Variants in DNMBP observed in about 807,000 individuals in gnomAD.
DNMBP encodes dynamin-binding protein.
A neutral mutation model predicts 150.0 loss-of-function variants in DNMBP; 87 were observed. That is an observed-to-expected ratio of 0.58 (90% CI 0.49 to 0.69). The LOEUF (loss-of-function observed/expected upper bound fraction) is 0.69, where lower values mean the gene tolerates loss of function less well. DNMBP is among the 30% of genes least tolerant of loss of function. DNMBP has a pLI of 0.00. For missense variants in DNMBP, 1,774 were observed against 1,949.0 expected, an observed-to-expected ratio of 0.91 and a Z score of 1.69; for synonymous variants, 711 against 750.4, an observed-to-expected ratio of 0.95 and a Z score of 0.86.
intron 6 of DNMBP, among the ~76,000 whole-genome samples, chr10:99,907,018 AT>A (rs764400202): frequency 2.0e-5 from 3 of 152,202 alleles, no homozygotes; most frequent in Admixed American, 1.3e-4. Context: ...TGAAATGAAA[AT>A]AAAAGTTTCA....
At position 99,956,733 on chromosome 10, in the gene DNMBP, A is replaced by G; in HGVS notation, c.741T>C (p.Tyr247=). The G allele has an allele frequency of 3.1e-6, 5 of 1,614,104 alleles. No individual in the cohort carries two copies. Among genetic ancestry groups the G allele is most frequent in the Non-Finnish European group, 3.4e-6 (4 of 1,180,018 alleles). The change falls in exon 4 of 17, where the codon TAT becomes TAC. Residue 247 remains tyrosine (Y), a synonymous_variant. Coordinates refer to ENST00000324109, the MANE Select transcript of DNMBP (RefSeq NM_015221.4). Reference sequence around the variant, plus strand: ...CTTGGAATCTGTACAGGGCGACCCCATAGGTCCCTGGCTCCTCCTCATCCT... The same window carrying G: ...CTTGGAATCTGTACAGGGCGACCCCGTAGGTCCCTGGCTCCTCCTCATCCT... ...PDEDEEEPGT[Y]GVALYRFQAL... is the part of the protein sequence containing the mutation.
intron 1 of DNMBP, among the ~76,000 whole-genome samples, chr10:99,980,969 T>C (rs965398518): frequency 2.0e-5 from 3 of 152,128 alleles, no homozygotes; most frequent in Non-Finnish European, 2.9e-5. Context: ...ATGTAATGGG[T>C]ACAGCATTTC....
Position 99,895,056 on chromosome 10 carries a change from C to A in DNMBP, c.3052-6G>T, listed in dbSNP as rs1432674332. 4 of 1,538,110 alleles carry A rather than the reference C, an allele frequency of 2.6e-6. No individual in the cohort carries two copies. Among genetic ancestry groups the A allele is most frequent in the Non-Finnish European group, 3.6e-6 (4 of 1,123,550 alleles). On this transcript the variant is annotated splice_region_variant and splice_polypyrimidine_tract_variant and intron_variant, in intron 10 of 16. Coordinates refer to ENST00000324109, the MANE Select transcript of DNMBP (RefSeq NM_015221.4). The stretch of plus-strand genomic sequence containing the variant: ...TCAAATACTTCATCTTTTATCTGTT[C>A]AAAAATAAACAAGTGCTGTTAGCAA...
chr10:99,909,917 ATTAC>A (rs2039879629), intron 4 of DNMBP, among the ~76,000 whole-genome samples: 2 of 152,230 alleles, frequency 1.3e-5, no homozygotes, highest in African/African-American at 2.4e-5. Flanking sequence ...TTATCTGACT[ATTAC>A]TTAGATACAC....
intron 4 of DNMBP, among the ~76,000 whole-genome samples, chr10:99,947,379 C>A (rs936604094): frequency 7.9e-5 from 12 of 152,090 alleles, no homozygotes; most frequent in Admixed American, 1.3e-4. Flanking sequence ...AGTATGTAGC[C>A]ACAAAATAGA....
intron 1 of DNMBP, among the ~76,000 whole-genome samples, chr10:100,001,233 TAAAAAAAAAAAAAA>T (rs71009800): frequency 2.5e-3 from 55 of 21,718 alleles, no homozygotes; most frequent in African/African-American, 3.8e-3. Flanking sequence ...TCCGTCTCAT[TAAAAAAAAAAAAAA>T]AAAAAAAAAA....
chr10:99,970,854 C>T (rs1198121379), intron 2 of DNMBP, among the ~76,000 whole-genome samples: 1 of 151,084 alleles, frequency 6.6e-6, no homozygotes. Context: ...TGCCTGTAGT[C>T]CCAGCTACTC....
rs150826633 is a variant in DNMBP at position 99,879,574 on chromosome 10, C to T, written c.4548+237G>A. On this transcript the variant is annotated intron_variant, in intron 16 of 16. Coordinates refer to ENST00000324109, the MANE Select transcript of DNMBP (RefSeq NM_015221.4). Reference sequence around the variant, plus strand: ...AATAATGAAGTTGTCATTATAGCACCTTTTAAACACCCAGTGACACAGAGG... The same window carrying T: ...AATAATGAAGTTGTCATTATAGCACTTTTTAAACACCCAGTGACACAGAGG... Among the ~76,000 whole-genome samples, 30 of 152,276 alleles carry T rather than the reference C, an allele frequency of 2.0e-4. 1 individual carries two copies. The East Asian group carries it at 5.8e-3, about 29-fold the overall frequency.
intron 1 of DNMBP, among the ~76,000 whole-genome samples, chr10:100,001,101 C>T (rs1298767243): frequency 2.0e-5 from 3 of 150,102 alleles, no homozygotes; most frequent in East Asian, 2.0e-4. Flanking sequence ...TGTGGTGGTG[C>T]GTGCCTGTAA....
intron 1 of DNMBP, among the ~76,000 whole-genome samples, chr10:99,976,280 G>C (rs573856522): frequency 1.2e-4 from 19 of 152,208 alleles, no homozygotes; most frequent in South Asian, 2.1e-4. Context: ...TCAAAACCTG[G>C]TTAACTTTGA....
At position 99,883,638 on chromosome 10, in the gene DNMBP, CAAAAAAAAAA is replaced by C. The variant is rs71009782; in HGVS notation, c.3997+363_3997+372del. 6.6e-3 allele frequency among the ~76,000 whole-genome samples: 434 copies of C among 65,628 alleles called. 1 individual carries two copies. Among genetic ancestry groups the C allele is most frequent in the South Asian group, 0.016 (22 of 1,368 alleles). The allele number at this position is 65,628 out of a possible 152,430, so 43.1% of individuals were successfully genotyped here. A position where few individuals can be genotyped will look rare whatever the true frequency, so the allele number is the denominator to read the frequency against. ...CCTGGATAACAGAGCAAGACTGCCACAAAAAAAAAAAAAAAAAAAAAAAAAAAAAATTTGA... is the reference window on the plus strand; with the variant it reads ...CCTGGATAACAGAGCAAGACTGCCACAAAAAAAAAAAAAAAAAAAATTTGA... On this transcript the variant is annotated intron_variant, in intron 15 of 16. Transcript: ENST00000324109.
intron 1 of DNMBP, among the ~76,000 whole-genome samples, chr10:99,990,764 CACATATAT>C (rs935520272): frequency 8.5e-6 from 1 of 117,926 alleles, no homozygotes; most frequent in East Asian, 2.2e-4. Context: ...CACATATATA[CACATATAT>C]ACACATATAT....
chr10:99,969,749 TA>T (rs1240350915), intron 2 of DNMBP, among the ~76,000 whole-genome samples: 1 of 152,160 alleles, frequency 6.6e-6, no homozygotes, highest in East Asian at 1.9e-4. Context: ...AGTTGGAAAG[TA>T]TCAGAAAGTC....
intron 16 of DNMBP, 65 bp downstream of exon 16, chr10:99,879,746 C>T (rs1481794253): frequency 1.3e-6 from 2 of 1,585,110 alleles, no homozygotes; most frequent in African/African-American, 2.7e-5. Flanking sequence ...TGCCTCACCC[C>T]CGCTGGTACC....
chr10:99,934,567 A>C (rs1362167948), intron 4 of DNMBP, among the ~76,000 whole-genome samples: 1 of 135,122 alleles, frequency 7.4e-6, no homozygotes, highest in Admixed American at 7.9e-5. Context: ...GAGCAAATTT[A>C]TTTTTTATAT....
Position 99,876,873 on chromosome 10 carries a change from C to T in DNMBP, c.*278G>A. On this transcript the variant is annotated 3_prime_UTR_variant, in exon 17 of 17. Transcript: ENST00000324109. ...CTGGGCTTCTGACTGCAAGTTTCTC[C>T]TTTCCAAAAGCCAGCTCTAAGACTT... 3.0e-6 allele frequency: 1 copy of T among 328,778 alleles called. No individual in the cohort carries two copies. The highest frequency in any genetic ancestry group is 5.6e-5 in the East Asian group (1 of 17,958). 20.4% of individuals were successfully genotyped at this position (328,778 alleles called of 1,614,324 possible). A position where few individuals can be genotyped will look rare whatever the true frequency, so the allele number is the denominator to read the frequency against.
intron 15 of DNMBP, among the ~76,000 whole-genome samples, chr10:99,882,307 T>C (rs1375296302): frequency 6.6e-6 from 1 of 152,180 alleles, no homozygotes; most frequent in African/African-American, 2.4e-5. Context: ...ACAGTAAGGT[T>C]ACTATAGCTA....
chr10:99,935,087 CAAAAAAAAAAAAAA>C (rs71009790), intron 4 of DNMBP, among the ~76,000 whole-genome samples: 5 of 48,542 alleles, frequency 1.0e-4, no homozygotes, highest in East Asian at 1.7e-3. Context: ...CCTGTCTCCA[CAAAAAAAAAAAAAA>C]AAAAAAAAAA....
At chr10:100,000,540 G>A (rs2040997257) in intron 1 of DNMBP, among the ~76,000 whole-genome samples, 1 of 152,084 alleles carries the variant, frequency 6.6e-6, no homozygotes, top group Non-Finnish European at 1.5e-5. Context: ...CTGGGTGGAT[G>A]GTTTCATTTG....
Sources: gnomAD v4.1 joint callset for allele counts (sites outside exome capture counted in the v4.1 genomes callset) on GRCh38, gnomAD v4.1.1 for gene constraint, MANE v1.5 for transcripts, NCBI Gene and HGNC (gene_info 2026-07-23, HGNC 2026-07-21) for gene names.